USP36: variants seen among roughly 807,000 people sequenced by gnomAD.
USP36 encodes ubiquitin carboxyl-terminal hydrolase 36.
USP36 carries 59 observed loss-of-function variants against 111.5 expected under a neutral mutation model. That is an observed-to-expected ratio of 0.53 (90% CI 0.43 to 0.66). The LOEUF is 0.66. Among genes scored for constraint, USP36 ranks in the 30% least tolerant of loss-of-function variants. The probability of loss-of-function intolerance (pLI) is 0.00; values close to 1 mark genes in which losing one functional copy is unlikely to be tolerated. For missense variants in USP36, 1,488 were observed against 1,468.0 expected (o/e 1.01, Z -0.22); for synonymous variants, 628 against 581.0 (o/e 1.08, Z -1.16).
At chr17:78,839,073 A>C (rs2145699628) in intron 1 of USP36, among the ~76,000 whole-genome samples, 1 of 152,358 alleles carries the variant, frequency 6.6e-6, no homozygotes, top group East Asian at 1.9e-4. Context: ...TTTGGATTTA[A>C]TGAACCAGTA....
intron 4 of USP36, among the ~76,000 whole-genome samples, chr17:78,834,115 C>T (rs989793663): frequency 2.0e-5 from 3 of 151,804 alleles, no homozygotes; most frequent in African/African-American, 7.3e-5. Flanking sequence ...GGCGTGGTGG[C>T]GTGCGTCTAT....
chr17:78,800,887 G>A (rs2093724007), intron 17 of USP36, among the ~76,000 whole-genome samples: 1 of 152,034 alleles, frequency 6.6e-6, no homozygotes. Context: ...GTGCTCAAGT[G>A]ATGTCCCTTG....
At chr17:78,830,293 T>C (rs1025958978) in intron 4 of USP36, among the ~76,000 whole-genome samples, 2 of 152,270 alleles carry the variant, frequency 1.3e-5, no homozygotes, top group Non-Finnish European at 2.9e-5. Context: ...TTACGTATCA[T>C]TCAGCAATGG....
At chr17:78,804,093 CCCTGTAG>C in intron 15 of USP36, 115 bp from the exon 16 acceptor site, 1 of 718,434 alleles carries the variant, frequency 1.4e-6, no homozygotes, top group Non-Finnish European at 2.2e-6. Flanking sequence ...AAGGCTTTTA[CCCTGTAG>C]TTTTCAGATA....
intron 13 of USP36, among the ~76,000 whole-genome samples, chr17:78,810,763 T>C (rs2094029528): frequency 6.6e-6 from 1 of 152,192 alleles, no homozygotes. Context: ...AGGCCCTGAC[T>C]GCCTGTGTGT....
exon 4 of USP36, chr17:78,787,455 G>C (rs1396509374): frequency 6.6e-6 from 1 of 152,200 alleles, no homozygotes; most frequent in East Asian, 1.9e-4. Flanking sequence ...AAAGCAGTCA[G>C]AACGGTGGTA....
chr17:78,834,331 T>C (rs567283751), intron 4 of USP36, among the ~76,000 whole-genome samples: 6 of 152,192 alleles, frequency 3.9e-5, no homozygotes, highest in Non-Finnish European at 7.4e-5. Context: ...ATTTCTTTAA[T>C]AGTTAAAAGA....
intron 10 of USP36, among the ~76,000 whole-genome samples, chr17:78,816,968 T>G (rs1159984154): frequency 6.6e-6 from 1 of 152,202 alleles, no homozygotes; most frequent in Non-Finnish European, 1.5e-5. Flanking sequence ...ATTTTGCCTG[T>G]TCTTAAACGT....
intron 4 of USP36, among the ~76,000 whole-genome samples, chr17:78,829,668 A>G (rs1238314111): frequency 6.6e-6 from 1 of 152,224 alleles, no homozygotes; most frequent in African/African-American, 2.4e-5. Flanking sequence ...CTTTATTTAC[A>G]CACACAGAGA....
Position 78,807,173 on chromosome 17 carries a change from G to A in USP36, c.1871C>T (p.Thr624Ile). The A allele has an allele frequency of 3.1e-6, 5 of 1,614,224 alleles. No individual in the cohort carries two copies. The highest frequency in any genetic ancestry group is 4.2e-6 in the Non-Finnish European group (5 of 1,180,036). The change falls in exon 14 of 21, where the codon ACC becomes ATC. Residue 624 changes from threonine (T) to isoleucine (I), a missense_variant. Transcript: ENST00000449938. ...SPEHSASSDS[T>I]KAPQTPRSGA... ...ACTCCTGGGGGTCTGGGGGGCCTTG[G>A]TGGAGTCGCTGCTGGCCGAGTGCTC...
intron 1 of USP36, chr17:78,840,327 G>C (rs1413601806): frequency 6.6e-6 from 1 of 151,006 alleles, no homozygotes; most frequent in Non-Finnish European, 1.5e-5. Context: ...GAAGGTGCCC[G>C]CCCCGGGGCC....
intron 13 of USP36, among the ~76,000 whole-genome samples, chr17:78,811,803 G>C (rs2094064140): frequency 6.6e-6 from 1 of 152,160 alleles, no homozygotes; most frequent in South Asian, 2.1e-4. Flanking sequence ...GGGAGGTGGA[G>C]GTTGCAGCGA....
At chr17:78,832,238 G>A (rs559576582) in intron 4 of USP36, among the ~76,000 whole-genome samples, 1 of 152,276 alleles carries the variant, frequency 6.6e-6, no homozygotes, top group African/African-American at 2.4e-5. Context: ...CCAGCCTACG[G>A]CAGGAGCTGC....
intron 14 of USP36, 110 bp downstream of exon 14, chr17:78,806,847 CAT>C (rs2145111054): frequency 7.1e-7 from 1 of 1,415,550 alleles, no homozygotes; most frequent in Non-Finnish European, 9.6e-7. Context: ...GTTCCTCTAA[CAT>C]GAGGGAGGCC....
chr17:78,829,447 G>A (rs2067878907), intron 4 of USP36, among the ~76,000 whole-genome samples: 1 of 152,188 alleles, frequency 6.6e-6, no homozygotes, highest in Admixed American at 6.5e-5. Context: ...CCTTAGTAGT[G>A]CCTCAGATAT....
Position 78,813,813 on chromosome 17 carries a change from C to T in USP36, c.1225G>A (p.Val409Met), listed in dbSNP as rs555548664. 6.2e-7 allele frequency: 1 copy of T among 1,614,142 alleles called. No individual in the cohort carries two copies. Among genetic ancestry groups the T allele is most frequent in the Admixed American group, 1.7e-5 (1 of 60,018 alleles). ...DSLVHSSNVK[V>M]VLNQQAYVLF... ...ACGTAGGCCTGCTGGTTCAGAACCA[C>T]CTTGACGTTGCTGGAATGGACCAAG... Residue 409 changes from valine to methionine, a missense_variant, in exon 12 of 21, where the codon GTG becomes ATG. Physicochemically the swap from Val to Met is conservative, Grantham distance 21. This residue lies in a region of USP36 where 1,073 missense variants were observed against 994.1 expected (regional missense o/e 1.08). Transcript: ENST00000449938.
At chr17:78,802,762 G>A (rs760145627) in intron 16 of USP36, among the ~76,000 whole-genome samples, 2 of 152,158 alleles carry the variant, frequency 1.3e-5, no homozygotes, top group Non-Finnish European at 2.9e-5. Context: ...ACTGAGCCAA[G>A]CCTGTTGACG....
intron 14 of USP36, 147 bp downstream of exon 14, chr17:78,806,812 G>T: frequency 8.7e-7 from 1 of 1,154,930 alleles, no homozygotes; most frequent in Non-Finnish European, 1.2e-6. Context: ...ATTGCAAATG[G>T]CTGGGAACGA....
At chr17:78,820,107 G>T in intron 8 of USP36, 95 bp from the exon 9 acceptor site, 1 of 1,304,774 alleles carries the variant, frequency 7.7e-7, no homozygotes. Context: ...GGCTGAGGCA[G>T]CAAATCACAG....
Sources: gnomAD v4.1 joint callset for allele counts (sites outside exome capture counted in the v4.1 genomes callset) on GRCh38, gnomAD v4.1.1 for gene constraint, gnomAD v4.1.1 regional missense constraint, MANE v1.5 for transcripts, NCBI Gene and HGNC (gene_info 2026-07-23, HGNC 2026-07-21) for gene names.